Variants in HEATR4 observed in about 807,000 individuals in gnomAD.
HEATR4 encodes the protein HEAT repeat containing 4, also known as HEAT repeat-containing protein 4.
HEATR4 carries 95 observed loss-of-function variants against 108.8 expected under a neutral mutation model. That is an observed-to-expected ratio of 0.87 (90% confidence interval 0.74 to 1.04). The LOEUF is 1.04. Among genes scored for constraint, HEATR4 ranks in the 50% least tolerant of loss-of-function variants. The probability of loss-of-function intolerance (pLI) is 0.00; values close to 1 mark genes in which losing one functional copy is unlikely to be tolerated. For synonymous variants in HEATR4, 443 were observed against 459.4 expected, an observed-to-expected ratio of 0.96 and a Z score of 0.46; for missense variants, 1,152 against 1,253.8, an observed-to-expected ratio of 0.92 and a Z score of 1.23.
chr14:73,517,733 G>GA (rs1205578004), intron 5 of HEATR4, among the ~76,000 whole-genome samples: 30 of 150,298 alleles, frequency 2.0e-4, no homozygotes, highest in Non-Finnish European at 7.4e-5. Context: ...AGAGAGGAAA[G>GA]GGAGACATGA....
the HEATR4 span, chr14:73,591,788 C>T: frequency 1.7e-6 from 1 of 576,758 alleles, no homozygotes. Flanking sequence ...CAGACGAGTC[C>T]GGAGCGCCGG....
At position 73,499,154 on chromosome 14, in the gene HEATR4, G is replaced by A; in HGVS notation, c.2287-14C>T. ...GCATTCAAGCACCTGGGATGGAAAA[G>A]GCAGTGTTGAGTGGGGAGGACCAGA... On this transcript the variant is annotated splice_polypyrimidine_tract_variant and intron_variant, in intron 12 of 17. Coordinates refer to ENST00000553558, the MANE Select transcript of HEATR4 (RefSeq NM_001220484.1). 6.2e-7 allele frequency: 1 copy of A among 1,612,982 alleles called. No individual in the cohort carries two copies. The highest frequency in any genetic ancestry group is 1.3e-5 in the African/African-American group (1 of 75,028).
chr14:73,592,115 C>G, the HEATR4 span: 59 of 1,544,764 alleles, frequency 3.8e-5, no homozygotes, highest in Non-Finnish European at 5.0e-5. Flanking sequence ...ACGCGCGCTA[C>G]TGCGCCGACG....
chr14:73,508,287 ACT>A lies in HEATR4; in HGVS notation c.1726_1727del (p.Ser576CysfsTer3). ...IMQTALLKGN[S>X]VDSWAAAQCL... is the part of the protein sequence containing the mutation. ...ACTGAGCTGCAGCCCAGCTATCCAC[ACT>A]GTTACCTGCCACAGTTGGGTGAAAA... On this transcript the variant is annotated frameshift_variant, in exon 9 of 18. Coordinates refer to ENST00000553558, the MANE Select transcript of HEATR4 (RefSeq NM_001220484.1). LOFTEE classifies it high-confidence loss of function. The A allele has an allele frequency of 6.2e-7, 1 of 1,613,442 alleles. No individual in the cohort carries two copies. The highest frequency in any genetic ancestry group is 8.5e-7 in the Non-Finnish European group (1 of 1,179,872).
At chr14:73,612,847 G>C in the HEATR4 span, 1 of 1,420,504 alleles carries the variant, frequency 7.0e-7, no homozygotes, top group South Asian at 1.3e-5. Flanking sequence ...CCTTGGTGCG[G>C]CTGGTGAAGC....
At chr14:73,608,770 T>G in the HEATR4 span, among the ~76,000 whole-genome samples, 1 of 152,154 alleles carries the variant, frequency 6.6e-6, no homozygotes, top group African/African-American at 2.4e-5. Flanking sequence ...AAGACCTACC[T>G]GAGATGGGAT....
At chr14:73,523,832 C>G (rs1285682359) in intron 2 of HEATR4, among the ~76,000 whole-genome samples, 2 of 152,162 alleles carry the variant, frequency 1.3e-5, no homozygotes, top group Non-Finnish European at 2.9e-5. Flanking sequence ...TTATAAATTC[C>G]TCCTGGTCTG....
At chr14:73,627,608 C>A in the HEATR4 span, among the ~76,000 whole-genome samples, 2 of 152,164 alleles carry the variant, frequency 1.3e-5, no homozygotes, top group Non-Finnish European at 2.9e-5. Context: ...AGACACAGAG[C>A]TTCCATGTCC....
the HEATR4 span, among the ~76,000 whole-genome samples, chr14:73,565,142 C>T: frequency 1.3e-5 from 2 of 152,028 alleles, no homozygotes; most frequent in Non-Finnish European, 2.9e-5. Flanking sequence ...TATTTACACA[C>T]ATTCATTAAG....
Position 73,496,697 on chromosome 14 carries a change from C to T in HEATR4, c.2547-18G>A, listed in dbSNP as rs765912109. 2.7e-5 allele frequency: 37 copies of T among 1,364,224 alleles called. No individual in the cohort carries two copies. In the South Asian group the frequency reaches 2.9e-4, roughly 11 times the overall value. 84.5% of individuals were successfully genotyped at this position (1,364,224 alleles called of 1,614,324 possible). ...ACATTTCTCTGAAAGATAAGAAGGGCTTCTTAGATTATTCTACCCTGCCCT... is the reference window on the plus strand; with the variant it reads ...ACATTTCTCTGAAAGATAAGAAGGGTTTCTTAGATTATTCTACCCTGCCCT... On this transcript the variant is annotated intron_variant, in intron 14 of 17. Transcript: ENST00000553558.
At chr14:73,489,605 A>G (rs1885592980) in intron 17 of HEATR4, among the ~76,000 whole-genome samples, 1 of 152,184 alleles carries the variant, frequency 6.6e-6, no homozygotes, top group African/African-American at 2.4e-5. Flanking sequence ...AAGACAAGGA[A>G]TCTTTATGTA....
At chr14:73,630,881 G>A in the HEATR4 span, among the ~76,000 whole-genome samples, 3 of 152,174 alleles carry the variant, frequency 2.0e-5, no homozygotes, top group Non-Finnish European at 4.4e-5. Context: ...TTTCCCTTCT[G>A]AGGCCTTCAT....
chr14:73,541,118 C>A (rs1196921762), intron 1 of HEATR4, among the ~76,000 whole-genome samples: 1 of 113,532 alleles, frequency 8.8e-6, no homozygotes, highest in East Asian at 6.8e-4. Context: ...TAAGTGGAGT[C>A]ATTCAGAATG....
chr14:73,568,905 A>G, the HEATR4 span, among the ~76,000 whole-genome samples: 1 of 152,050 alleles, frequency 6.6e-6, no homozygotes, highest in African/African-American at 2.4e-5. Flanking sequence ...AAGATTAGTA[A>G]TGAGTGTGAA....
At chr14:73,600,967 C>A in the HEATR4 span, among the ~76,000 whole-genome samples, 2 of 151,306 alleles carry the variant, frequency 1.3e-5, no homozygotes, top group Non-Finnish European at 2.9e-5. Context: ...ATGGCGAAAC[C>A]CCATCTCTAC....
intron 5 of HEATR4, among the ~76,000 whole-genome samples, chr14:73,516,572 A>G (rs1887611590): frequency 6.6e-6 from 1 of 151,830 alleles, no homozygotes; most frequent in South Asian, 2.1e-4. Flanking sequence ...CCTTTGGGTT[A>G]TAGCTGGATA....
At chr14:73,606,395 A>C in the HEATR4 span, among the ~76,000 whole-genome samples, 1 of 138,498 alleles carries the variant, frequency 7.2e-6, no homozygotes, top group Non-Finnish European at 1.6e-5. Flanking sequence ...AAAAAAAAAA[A>C]AAACTGTGAT....
rs1889305338 is a variant in HEATR4 at position 73,550,650 on chromosome 14, A to G, written c.-152+8101T>C. 1.9e-5 allele frequency among the ~76,000 whole-genome samples: 2 copies of G among 107,988 alleles called. 1 individual carries two copies. Among genetic ancestry groups the G allele is most frequent in the South Asian group, 6.0e-4 (2 of 3,326 alleles). 70.8% of individuals were successfully genotyped at this position (107,988 alleles called of 152,430 possible). ...CACCCTTATGAGCAGCCTGCCTTGA[A>G]CCCTCTCTCTCACAGTATACAGTCC... is the stretch of plus-strand genomic sequence containing the variant. On this transcript the variant is annotated intron_variant, in intron 1 of 17. Coordinates refer to ENST00000553558, the MANE Select transcript of HEATR4 (RefSeq NM_001220484.1).
rs1889348280 is a variant in HEATR4 at position 73,553,181 on chromosome 14, T to A, written c.-152+5570A>T. Among the ~76,000 whole-genome samples the A allele has an allele frequency of 1.8e-5, 2 of 113,642 alleles. 1 individual carries two copies. 74.6% of individuals were successfully genotyped at this position (113,642 alleles called of 152,430 possible). Reference sequence around the variant, plus strand: ...TGGGGTCCTGTGCCTCCCCTTCTTCTCCCCCAGGTGCCAAGTCCCCACTTT... The same window carrying A: ...TGGGGTCCTGTGCCTCCCCTTCTTCACCCCCAGGTGCCAAGTCCCCACTTT... On this transcript the variant is annotated intron_variant, in intron 1 of 17. Coordinates refer to ENST00000553558, the MANE Select transcript of HEATR4 (RefSeq NM_001220484.1).
Sources: allele counts gnomAD v4.1 joint callset (sites outside exome capture counted in the v4.1 genomes callset), GRCh38; gene constraint gnomAD v4.1.1; transcripts MANE v1.5; gene names NCBI Gene and HGNC (gene_info 2026-07-23, HGNC 2026-07-21).